The following ASAH2 variants were observed in gnomAD, a reference collection of about 807,000 sequenced individuals.
The protein encoded by ASAH2 is neutral ceramidase.
Under a neutral mutation model 82.9 loss-of-function variants are expected in ASAH2, and 58 were observed. The observed-to-expected ratio is 0.70, with a 90% CI of 0.57 to 0.87. The LOEUF is 0.87. ASAH2 is among the 40% of genes least tolerant of loss of function. The pLI, the probability that ASAH2 is intolerant of heterozygous loss-of-function variation, is 0.00. For missense variants in ASAH2, 779 were observed against 834.0 expected (o/e 0.93, Z 0.81); for synonymous variants, 276 against 289.7 (o/e 0.95, Z 0.48).
chr10:50,243,432 G>A lies in ASAH2; in HGVS notation c.361-81C>T, dbSNP rs370265870. On this transcript the variant is annotated intron_variant, in intron 3 of 20. Transcript: ENST00000682911. ...CCAGGCACAAACATACAATATAGAC[G>A]ACTGCAGAAAAACAAAGAAAAACAT... The A allele has an allele frequency of 2.2e-5, 31 of 1,435,122 alleles. No individual in the cohort carries two copies. In the East Asian group the frequency reaches 3.8e-4, roughly 18 times the overall value. 88.9% of individuals were successfully genotyped at this position (1,435,122 alleles called of 1,614,324 possible). A position where few individuals can be genotyped will look rare whatever the true frequency, so the allele number is the denominator to read the frequency against.
At chr10:50,218,753 C>G in intron 7 of ASAH2, 123 bp from the exon 8 acceptor site, 1 of 1,074,274 alleles carries the variant, frequency 9.3e-7, no homozygotes, top group South Asian at 1.3e-5. Context: ...AGACATTCTA[C>G]ATCTACATTC....
intron 12 of ASAH2, among the ~76,000 whole-genome samples, chr10:50,210,568 CA>C (rs1289420955): frequency 1.3e-5 from 2 of 151,650 alleles, no homozygotes; most frequent in Non-Finnish European, 2.9e-5. Context: ...AAGAAGCCAA[CA>C]AAAAATGCCA....
At chr10:50,242,766 G>C (rs1438941892) in intron 4 of ASAH2, among the ~76,000 whole-genome samples, 1 of 152,082 alleles carries the variant, frequency 6.6e-6, no homozygotes, top group Non-Finnish European at 1.5e-5. Flanking sequence ...CCAATTCACG[G>C]TCAACCTCAT....
At chr10:50,219,527 G>A (rs1845690023) in intron 7 of ASAH2, among the ~76,000 whole-genome samples, 1 of 152,152 alleles carries the variant, frequency 6.6e-6, no homozygotes, top group Admixed American at 6.5e-5. Flanking sequence ...AGATTAACTG[G>A]AACGCTCAAG....
chr10:50,202,259 C>G (rs968970816), intron 16 of ASAH2, among the ~76,000 whole-genome samples: 12 of 151,996 alleles, frequency 7.9e-5, no homozygotes, highest in African/African-American at 2.7e-4. Flanking sequence ...TTATGAGACT[C>G]TGGACTGTTT....
At chr10:50,237,463 C>T (rs1302114722) in intron 4 of ASAH2, among the ~76,000 whole-genome samples, 1 of 152,188 alleles carries the variant, frequency 6.6e-6, no homozygotes, top group Non-Finnish European at 1.5e-5. Context: ...TGTTCTAAAA[C>T]AAGTCAGAAT....
At chr10:50,194,802 C>T (rs1844931522) in intron 18 of ASAH2, among the ~76,000 whole-genome samples, 1 of 151,610 alleles carries the variant, frequency 6.6e-6, no homozygotes, top group African/African-American at 2.4e-5. Context: ...GCCAAGAACG[C>T]ACAATGGGGA....
chr10:50,207,661 A>C (rs1274293782), intron 12 of ASAH2, among the ~76,000 whole-genome samples: 1 of 151,586 alleles, frequency 6.6e-6, no homozygotes, highest in Non-Finnish European at 1.5e-5. Flanking sequence ...AAAAGTAAAG[A>C]GATTGATTCA....
Position 50,214,772 on chromosome 10 carries a change from T to C in ASAH2, c.1111A>G (p.Asn371Asp). ...CCAATGGGACAAGTGCTATTGGCGT[T>C]ATCACAGGACTCTCCTGTGTTGATG... ...RCINTGESCD[N>D]ANSTCPIGGP... Residue 371 changes from asparagine (N) to aspartate (D), a missense_variant, in exon 9 of 21, where the codon AAC becomes GAC. Around this residue, in one of 3 missense-constraint regions of ASAH2, gnomAD observed 759 missense variants for 755.2 expected, o/e 1.00. Transcript: ENST00000682911. 1 of 1,613,786 alleles carries C rather than the reference T, an allele frequency of 6.2e-7. No homozygotes were observed. Among genetic ancestry groups the C allele is most frequent in the Non-Finnish European group, 8.5e-7 (1 of 1,179,712 alleles).
chr10:50,199,089 T>C lies in ASAH2; in HGVS notation c.1819A>G (p.Ile607Val). The C allele has an allele frequency of 6.2e-7, 1 of 1,613,358 alleles. No homozygotes were observed. Among genetic ancestry groups the C allele is most frequent in the African/African-American group, 1.3e-5 (1 of 74,960 alleles). The change falls in exon 17 of 21, where the codon ATT (isoleucine) becomes GTT (valine). Residue 607 changes from isoleucine to valine, a missense_variant. Physicochemically the swap from Ile to Val is conservative, Grantham distance 29. Around this residue, in one of 3 missense-constraint regions of ASAH2, gnomAD observed 759 missense variants for 755.2 expected, o/e 1.00. Coordinates refer to ENST00000682911, the MANE Select transcript of ASAH2 (RefSeq NM_019893.4). ...IYGPHTLSAY[I>V]QLFRNLAKAI... Reference sequence around the variant, plus strand: ...TTAGCAAGGTTTCTGAAGAGCTGAATGTAAGCAGATAATGTGTGCGGTCCA... The same window carrying C: ...TTAGCAAGGTTTCTGAAGAGCTGAACGTAAGCAGATAATGTGTGCGGTCCA...
Position 50,234,560 on chromosome 10 carries a change from T to C in ASAH2, c.688-8A>G. The C allele has an allele frequency of 6.2e-7, 1 of 1,612,608 alleles. No individual in the cohort carries two copies. The highest frequency in any genetic ancestry group is 8.5e-7 in the Non-Finnish European group (1 of 1,178,908). ...GTGTGCTATGTCAATGCTCTGAAGG[T>C]TAAAAAAGAGGGGGATGTTATAAGC... On this transcript the variant is annotated splice_region_variant and splice_polypyrimidine_tract_variant and intron_variant, in intron 5 of 20. Transcript: ENST00000682911.
Position 50,248,986 on chromosome 10 carries a change from A to G in ASAH2, c.-36-340T>C, listed in dbSNP as rs1474705974. Among the ~76,000 whole-genome samples, 4 of 152,188 alleles carry G rather than the reference A, an allele frequency of 2.6e-5. No individual in the cohort carries two copies. In the East Asian group the frequency reaches 7.7e-4, roughly 29 times the overall value. The stretch of plus-strand genomic sequence containing the variant: ...TTCATTTATGGCGATGATGCTGTTT[A>G]TGGATCTGTACATGGGTCTGGGCTG... On this transcript the variant is annotated intron_variant, in intron 1 of 20. Coordinates refer to ENST00000682911, the MANE Select transcript of ASAH2 (RefSeq NM_019893.4).
chr10:50,249,163 A>G (rs1302135604), intron 1 of ASAH2, among the ~76,000 whole-genome samples: 1 of 152,074 alleles, frequency 6.6e-6, no homozygotes, highest in Non-Finnish European at 1.5e-5. Flanking sequence ...TGGCCTTTAC[A>G]CTCTATGTTT....
intron 7 of ASAH2, among the ~76,000 whole-genome samples, chr10:50,232,657 A>G (rs918981054): frequency 1.5e-3 from 228 of 152,180 alleles, no homozygotes; most frequent in African/African-American, 3.4e-3. Context: ...AGCTGGCCCC[A>G]CCTGTAATTT....
chr10:50,204,847 A>G lies in ASAH2; in HGVS notation c.1625+14T>C. On this transcript the variant is annotated intron_variant, in intron 14 of 20. Coordinates refer to ENST00000682911, the MANE Select transcript of ASAH2 (RefSeq NM_019893.4). ...AAACACATTTTTAACTAAGTAATAA[A>G]AAGAAAAACTTACGTAAACTCCCCG... 6.3e-7 allele frequency: 1 copy of G among 1,577,792 alleles called. No individual in the cohort carries two copies. Among genetic ancestry groups the G allele is most frequent in the Non-Finnish European group, 8.7e-7 (1 of 1,150,994 alleles).
At chr10:50,202,596 A>C (rs1009245037) in intron 16 of ASAH2, among the ~76,000 whole-genome samples, 288 of 152,154 alleles carry the variant, frequency 1.9e-3, no homozygotes, top group African/African-American at 6.5e-3. Flanking sequence ...CAAAATAATT[A>C]ATTTCAGGGA....
chr10:50,206,508 T>A (rs924201721), intron 12 of ASAH2, among the ~76,000 whole-genome samples: 115 of 147,238 alleles, frequency 7.8e-4, no homozygotes, highest in African/African-American at 2.8e-3. Flanking sequence ...TTATGGTCCC[T>A]GAAATAATTT....
Position 50,187,121 on chromosome 10 carries a change from C to T in ASAH2, c.*194G>A, listed in dbSNP as rs1426548454. On this transcript the variant is annotated 3_prime_UTR_variant, in exon 21 of 21. Transcript: ENST00000682911. Reference sequence around the variant, plus strand: ...TCTCTCTCTCTCTCTCTCTCTCTCACACACACACACACACACACACACACA... The same window carrying T: ...TCTCTCTCTCTCTCTCTCTCTCTCATACACACACACACACACACACACACA... The T allele has an allele frequency of 1.7e-3, 44 of 25,952 alleles. No individual in the cohort carries two copies. The highest frequency in any genetic ancestry group is 5.5e-3 in the African/African-American group (42 of 7,648). 1.6% of individuals were successfully genotyped at this position (25,952 alleles called of 1,614,324 possible).
At chr10:50,195,533 C>T (rs1464404996) in intron 18 of ASAH2, among the ~76,000 whole-genome samples, 70 of 150,748 alleles carry the variant, frequency 4.6e-4, no homozygotes, top group Non-Finnish European at 5.0e-4. Flanking sequence ...ATACACAATA[C>T]CATTTCTGGG....
Sources: gnomAD v4.1 joint callset for allele counts (sites outside exome capture counted in the v4.1 genomes callset) on GRCh38, gnomAD v4.1.1 for gene constraint, gnomAD v4.1.1 regional missense constraint, MANE v1.5 for transcripts, NCBI Gene and HGNC (gene_info 2026-07-23, HGNC 2026-07-21) for gene names.